PHACTR2: variants seen among roughly 807,000 people sequenced by gnomAD.
PHACTR2 encodes chromosome 6 open reading frame 56.
PHACTR2 carries 30 observed loss-of-function variants against 76.0 expected under a neutral mutation model. The observed-to-expected ratio is 0.39, with a 90% CI of 0.30 to 0.54. The LOEUF (loss-of-function observed/expected upper bound fraction) is 0.54, where lower values mean the gene tolerates loss of function less well. PHACTR2 is among the 20% of genes least tolerant of loss of function. The pLI is 0.61. For synonymous variants in PHACTR2, 292 were observed against 292.5 expected, an observed-to-expected ratio of 1.00 and a Z score of 0.02; for missense variants, 696 against 781.1, an observed-to-expected ratio of 0.89 and a Z score of 1.30.
At chr6:143,686,312 G>C (rs973815801) in intron 1 of PHACTR2, among the ~76,000 whole-genome samples, 1 of 151,800 alleles carries the variant, frequency 6.6e-6, no homozygotes, top group African/African-American at 2.4e-5. Context: ...ATAGACATGT[G>C]GTAGAATAAG....
At position 143,671,323 on chromosome 6, in the gene PHACTR2, C is replaced by A. The variant is rs149102906; in HGVS notation, c.14-40693C>A. Among the ~76,000 whole-genome samples the A allele has an allele frequency of 6.6e-6, 1 of 152,234 alleles. No individual in the cohort carries two copies. Among genetic ancestry groups the A allele is most frequent in the African/African-American group, 2.4e-5 (1 of 41,540 alleles). On this transcript the variant is annotated intron_variant, in intron 1 of 11. Transcript: ENST00000305766. The surrounding 1 kb of genome is among the most constrained non-coding windows in gnomAD (Gnocchi z 4.6). ...CTTATTCTATGTACTCCAACCACAC[C>A]ATTTCCCCTGGATTCCTCAAACATA...
At position 143,767,906 on chromosome 6, in the gene PHACTR2, C is replaced by T. The variant is rs927998363; in HGVS notation, c.1232+2108C>T. Among the ~76,000 whole-genome samples, 25 of 152,230 alleles carry T rather than the reference C, an allele frequency of 1.6e-4. No individual in the cohort carries two copies. The highest frequency in any genetic ancestry group is 4.6e-4 in the African/African-American group (19 of 41,544). Reference sequence around the variant, plus strand: ...AGGCTGGAGTACAGTGGCATGATCTCGGCTCACCTCAACCTCTGCCTCCCA... The same window carrying T: ...AGGCTGGAGTACAGTGGCATGATCTTGGCTCACCTCAACCTCTGCCTCCCA... On this transcript the variant is annotated intron_variant, in intron 6 of 12. Coordinates refer to ENST00000440869, the MANE Select transcript of PHACTR2 (RefSeq NM_001100164.2). The surrounding 1 kb of genome is among the most constrained non-coding windows in gnomAD (Gnocchi z 4.4).
chr6:143,537,170 C>A lies in PHACTR2; in HGVS notation c.180C>A (p.Ser60Arg). 1 of 312,116 alleles carries A rather than the reference C, an allele frequency of 3.2e-6. No individual in the cohort carries two copies. Among genetic ancestry groups the A allele is most frequent in the South Asian group, 3.7e-5 (1 of 26,710 alleles). 19.3% of individuals were successfully genotyped at this position (312,116 alleles called of 1,614,324 possible). A position where few individuals can be genotyped will look rare whatever the true frequency, so the allele number is the denominator to read the frequency against. Residue 60 changes from serine to arginine, a missense_variant, in exon 1 of 12, where the codon AGC (serine) becomes AGA (arginine). By Grantham distance (110) the Ser-to-Arg change is moderately radical (BLOSUM62 -1). Coordinates refer to the PHACTR2 transcript ENST00000367584. The surrounding 1 kb of genome is among the most constrained non-coding windows in gnomAD (Gnocchi z 4.4). Reference sequence around the variant, plus strand: ...AGAGCGACCTCTCGTCGTCCTCGAGCAGGGGCCGCCCGCTCCGGGTCCACA... The same window carrying A: ...AGAGCGACCTCTCGTCGTCCTCGAGAAGGGGCCGCCCGCTCCGGGTCCACA...
rs1372896831 is a variant in PHACTR2, at chr6:143,753,400, G to T, written c.296-354G>T. Among the ~76,000 whole-genome samples the T allele has an allele frequency of 6.6e-6, 1 of 152,088 alleles. No individual in the cohort carries two copies. Among genetic ancestry groups the T allele is most frequent in the Non-Finnish European group, 1.5e-5 (1 of 68,024 alleles). On this transcript the variant is annotated intron_variant, in intron 3 of 12. Coordinates refer to ENST00000440869, the MANE Select transcript of PHACTR2 (RefSeq NM_001100164.2). This position sits in a 1 kb window ranked among gnomAD's most constrained non-coding sequence, Gnocchi z 4.6. ...TGTAAAATGTTTATTCCATTTTCCA[G>T]ATTATTCCTCTCGCCATTCTGTTTC... is the stretch of plus-strand genomic sequence containing the variant.
chr6:143,808,156 G>A (rs1346207878), intron 12 of PHACTR2, among the ~76,000 whole-genome samples: 3 of 143,842 alleles, frequency 2.1e-5, no homozygotes, highest in African/African-American at 5.2e-5. Context: ...TTGAGACAGA[G>A]TCTTGCTCTG....
rs1018557524 is a variant in PHACTR2, at chr6:143,550,336, G to C, written c.217+13129G>C. Among the ~76,000 whole-genome samples, 1 of 151,978 alleles carries C rather than the reference G, an allele frequency of 6.6e-6. No homozygotes were observed. The highest frequency in any genetic ancestry group is 1.5e-5 in the Non-Finnish European group (1 of 67,950). Reference sequence around the variant, plus strand: ...CAAGGGAAGCAAGTCTGTATGGAGAGCTTTTAATGGGCCTGTCAACTATTT... The same window carrying C: ...CAAGGGAAGCAAGTCTGTATGGAGACCTTTTAATGGGCCTGTCAACTATTT... On this transcript the variant is annotated intron_variant, in intron 1 of 11. Transcript: ENST00000367584. The surrounding 1 kb of genome is among the most constrained non-coding windows in gnomAD (Gnocchi z 4.8).
rs113232039 is a variant in PHACTR2 at position 143,632,872 on chromosome 6, A to G, written c.13+24550A>G. Among the ~76,000 whole-genome samples, 8 of 152,290 alleles carry G rather than the reference A, an allele frequency of 5.3e-5. No individual in the cohort carries two copies. In the South Asian group the frequency reaches 1.0e-3, roughly 20 times the overall value. ...GAATCATATGGTATATAACCTTTTC[A>G]GATTGGCTCCTTTCACTTAGTAGTA... On this transcript the variant is annotated intron_variant, in intron 1 of 11. Coordinates refer to the PHACTR2 transcript ENST00000305766.
intron 1 of PHACTR2, among the ~76,000 whole-genome samples, chr6:143,551,212 G>A (rs1234719478): frequency 6.6e-6 from 1 of 152,096 alleles, no homozygotes; most frequent in African/African-American, 2.4e-5. Context: ...AAGACACCTA[G>A]TAGATGCCCG....
chr6:143,792,582 C>T (rs956418940), intron 11 of PHACTR2, among the ~76,000 whole-genome samples: 2 of 152,094 alleles, frequency 1.3e-5, no homozygotes, highest in Non-Finnish European at 2.9e-5. Flanking sequence ...AGTCAGGGCT[C>T]AGCTAGGTGA....
rs1384452743 is a variant in PHACTR2, at chr6:143,546,865, A to T, written c.217+9658A>T. ...ACATAGTGAGACCCCATCTCAAAAA[A>T]AAAAAAAATAAAAAATAAAAAATTA... On this transcript the variant is annotated intron_variant, in intron 1 of 11. Coordinates refer to the PHACTR2 transcript ENST00000367584. This position sits in a 1 kb window ranked among gnomAD's most constrained non-coding sequence, Gnocchi z 4.9. Among the ~76,000 whole-genome samples the T allele has an allele frequency of 6.7e-6, 1 of 149,592 alleles. No homozygotes were observed. Among genetic ancestry groups the T allele is most frequent in the Non-Finnish European group, 1.5e-5 (1 of 67,678 alleles).
chr6:143,599,323 G>A lies in PHACTR2; in HGVS notation c.217+62116G>A, dbSNP rs927040211. ...TATTTAAGGAGATCAGGCAGAAATT[G>A]ATTCATGAGAGAAAAAAGTAACATG... On this transcript the variant is annotated intron_variant, in intron 1 of 11. Coordinates refer to the PHACTR2 transcript ENST00000367584. The surrounding 1 kb of genome is among the most constrained non-coding windows in gnomAD (Gnocchi z 4.6). Among the ~76,000 whole-genome samples, 2 of 152,154 alleles carry A rather than the reference G, an allele frequency of 1.3e-5. No homozygotes were observed. The highest frequency in any genetic ancestry group is 4.8e-5 in the African/African-American group (2 of 41,438).
At chr6:143,631,313 C>A (rs1452508709) in intron 1 of PHACTR2, among the ~76,000 whole-genome samples, 1 of 152,108 alleles carries the variant, frequency 6.6e-6, no homozygotes, top group East Asian at 1.9e-4. Flanking sequence ...GCCTCAGCCT[C>A]CCTAGTAGCT....
At chr6:143,640,101 T>A (rs1028019777) in intron 1 of PHACTR2, among the ~76,000 whole-genome samples, 2 of 152,250 alleles carry the variant, frequency 1.3e-5, no homozygotes, top group Admixed American at 6.5e-5. Context: ...AATGCTTTAC[T>A]CACAAGTTTG....
intron 1 of PHACTR2, among the ~76,000 whole-genome samples, chr6:143,706,265 A>G (rs1778051026): frequency 2.6e-5 from 4 of 152,114 alleles, no homozygotes; most frequent in African/African-American, 4.8e-5. Context: ...GTGCTTGCCT[A>G]TTGGAGAATG....
chr6:143,741,897 T>G (rs1465507308), intron 2 of PHACTR2, among the ~76,000 whole-genome samples: 1 of 151,754 alleles, frequency 6.6e-6, no homozygotes, highest in Non-Finnish European at 1.5e-5. Flanking sequence ...AGGTCAGGAG[T>G]TCGAGACCAG....
chr6:143,622,735 T>G (rs9399451), intron 1 of PHACTR2, among the ~76,000 whole-genome samples: 90,328 of 152,080 alleles, frequency 0.59, 27,245 homozygotes, highest in African/African-American at 0.66. Context: ...CTTGATTTTT[T>G]TGTGTGTGTG....
At position 143,678,941 on chromosome 6, in the gene PHACTR2, T is replaced by TAA. The variant is rs764703736; in HGVS notation, c.46+745_46+746dup. On this transcript the variant is annotated intron_variant, in intron 1 of 12. Coordinates refer to ENST00000440869, the MANE Select transcript of PHACTR2 (RefSeq NM_001100164.2). The surrounding 1 kb of genome is among the most constrained non-coding windows in gnomAD (Gnocchi z 6.2). ...TGGCATTTCCCCGACAGTGTAGGGATAAAAAAAAAAAAAACTGTTTGGTGG... is the reference window on the plus strand; with the variant it reads ...TGGCATTTCCCCGACAGTGTAGGGATAAAAAAAAAAAAAAAACTGTTTGGTGG... Among the ~76,000 whole-genome samples, 123 of 134,352 alleles carry TAA rather than the reference T, an allele frequency of 9.2e-4. No individual in the cohort carries two copies. Among genetic ancestry groups the TAA allele is most frequent in the African/African-American group, 2.6e-3 (99 of 38,112 alleles). 88.1% of individuals were successfully genotyped at this position (134,352 alleles called of 152,430 possible).
In PHACTR2 at chr6:143,581,012, C is replaced by A. The variant is rs11961870; in HGVS notation, c.217+43805C>A. Among the ~76,000 whole-genome samples, 45,114 of 152,020 alleles carry A rather than the reference C, an allele frequency of 0.3. 6,776 individuals are homozygous for A. Among genetic ancestry groups the A allele is most frequent in the Middle Eastern group, 0.42 (123 of 294 alleles). On this transcript the variant is annotated intron_variant, in intron 1 of 11. Transcript: ENST00000367584. The surrounding 1 kb of genome is among the most constrained non-coding windows in gnomAD (Gnocchi z 4.5). Reference sequence around the variant, plus strand: ...AGTCTTCCATTACAGAACACCTACACATCAGGAGCTCAAAAACAGATATAT... The same window carrying A: ...AGTCTTCCATTACAGAACACCTACAAATCAGGAGCTCAAAAACAGATATAT...
At chr6:143,716,344 G>C (rs1384829066) in intron 2 of PHACTR2, among the ~76,000 whole-genome samples, 1 of 152,114 alleles carries the variant, frequency 6.6e-6, no homozygotes, top group Non-Finnish European at 1.5e-5. Flanking sequence ...GAATCAGAAA[G>C]ACTTGAACAG....
Sources: gnomAD v4.1 joint callset for allele counts (sites outside exome capture counted in the v4.1 genomes callset) on GRCh38, gnomAD v4.1.1 for gene constraint, Gnocchi (gnomAD v3.1) non-coding constraint, MANE v1.5 for transcripts, NCBI Gene and HGNC (gene_info 2026-07-23, HGNC 2026-07-21) for gene names.